The following SEMA6A variants were observed in gnomAD, a reference collection of about 807,000 sequenced individuals.
The protein encoded by SEMA6A is semaphorin-6A.
A neutral mutation model predicts 96.8 loss-of-function variants in SEMA6A; 25 were observed. The observed-to-expected ratio is 0.26, with a 90% CI of 0.19 to 0.36. The LOEUF is 0.36. SEMA6A is among the 10% of genes least tolerant of loss of function. The probability of loss-of-function intolerance (pLI) is 1.00; values close to 1 mark genes in which losing one functional copy is unlikely to be tolerated. For missense variants in SEMA6A, 1,363 were observed against 1,323.1 expected (o/e 1.03, Z -0.47); for synonymous variants, 612 against 518.0 (o/e 1.18, Z -2.46).
intron 18 of SEMA6A, among the ~76,000 whole-genome samples, chr5:116,465,345 A>C (rs1189621975): frequency 6.6e-6 from 1 of 152,220 alleles, no homozygotes; most frequent in African/African-American, 2.4e-5. Context: ...TAAACAAAAA[A>C]CAATTTGGAG....
At chr5:116,462,890 G>A (rs1157575202) in intron 18 of SEMA6A, among the ~76,000 whole-genome samples, 1 of 151,860 alleles carries the variant, frequency 6.6e-6, no homozygotes, top group African/African-American at 2.4e-5. Flanking sequence ...TATTTACTTA[G>A]TATTTTTATA....
intron 11 of SEMA6A, 146 bp from the exon 12 acceptor site, chr5:116,480,423 A>T: frequency 1.1e-6 from 1 of 940,130 alleles, no homozygotes; most frequent in Non-Finnish European, 1.6e-6. Context: ...GCAGAATGCC[A>T]CCAAGCACAA....
rs1283532825 is a variant in SEMA6A at position 116,444,989 on chromosome 5, G to A, written c.*1624C>T. The A allele has an allele frequency of 6.5e-6, 1 of 152,700 alleles. No homozygotes were observed. Among genetic ancestry groups the A allele is most frequent in the Non-Finnish European group, 1.5e-5 (1 of 68,066 alleles). 9.5% of individuals were successfully genotyped at this position (152,700 alleles called of 1,614,324 possible). On this transcript the variant is annotated 3_prime_UTR_variant, in exon 19 of 19. Transcript: ENST00000343348. Reference sequence around the variant, plus strand: ...AATCTAAGGGAAGCAGGGAGCTCTTGAGGATGAAAGGGGATTTGACACACC... The same window carrying A: ...AATCTAAGGGAAGCAGGGAGCTCTTAAGGATGAAAGGGGATTTGACACACC...
At chr5:116,493,393 G>T (rs1470072461) in intron 6 of SEMA6A, among the ~76,000 whole-genome samples, 1 of 152,012 alleles carries the variant, frequency 6.6e-6, no homozygotes, top group Non-Finnish European at 1.5e-5. Context: ...AGTAAATGCT[G>T]GGCTAGACTG....
intron 8 of SEMA6A, 110 bp downstream of exon 8, chr5:116,488,778 G>C: frequency 3.1e-6 from 4 of 1,281,914 alleles, no homozygotes; most frequent in Non-Finnish European, 4.1e-6. Flanking sequence ...CTGTCTGTCA[G>C]AAGCCATTAC....
At chr5:116,495,297 A>G (rs1757538370) in intron 6 of SEMA6A, 116 bp downstream of exon 6, 3 of 738,738 alleles carry the variant, frequency 4.1e-6, no homozygotes, top group Non-Finnish European at 7.2e-6. Context: ...AAGTTGAACA[A>G]GTGAGAGGAA....
At chr5:116,539,022 A>G (rs116318549) in intron 1 of SEMA6A, among the ~76,000 whole-genome samples, 3,023 of 152,254 alleles carry the variant, frequency 0.02, 111 homozygotes, top group African/African-American at 0.07. Context: ...AATATTTTCA[A>G]TTGTGTGTTT....
At chr5:116,507,362 A>G (rs1391477855) in intron 1 of SEMA6A, among the ~76,000 whole-genome samples, 1 of 152,196 alleles carries the variant, frequency 6.6e-6, no homozygotes, top group Non-Finnish European at 1.5e-5. Context: ...TATGTAGACA[A>G]TAAATTTTCT....
At chr5:116,504,728 T>C in intron 2 of SEMA6A, 117 bp downstream of exon 2, 1 of 745,796 alleles carries the variant, frequency 1.3e-6, no homozygotes, top group Middle Eastern at 2.4e-4. Flanking sequence ...CTTTGCCACA[T>C]ACAGAGGACT....
At chr5:116,566,398 G>A (rs1245441588) in intron 1 of SEMA6A, among the ~76,000 whole-genome samples, 1 of 152,182 alleles carries the variant, frequency 6.6e-6, no homozygotes, top group Non-Finnish European at 1.5e-5. Context: ...AAGGCTGCAT[G>A]AGGAAGTATC....
rs965795056 is a variant in SEMA6A at position 116,446,967 on chromosome 5, C to G, written c.2739G>C (p.Gly913=). The change falls in exon 19 of 19, where the codon GGG becomes GGC. Residue 913 remains glycine, a synonymous_variant. Coordinates refer to ENST00000343348, the MANE Select transcript of SEMA6A (RefSeq NM_020796.5). ...TGGGGTAGCTCCTCTTATAGTCAAC[C>G]CCGTAGGAAGAGGAGTGGTGCATTT... ...RLEMHHSSSY[G]VDYKRSYPTN... 8 of 1,613,738 alleles carry G rather than the reference C, an allele frequency of 5.0e-6. No individual in the cohort carries two copies. The Admixed American group carries it at 1.2e-4, about 24-fold the overall frequency.
intron 6 of SEMA6A, among the ~76,000 whole-genome samples, chr5:116,493,554 AC>A (rs908953440): frequency 9.2e-5 from 14 of 152,168 alleles, no homozygotes; most frequent in African/African-American, 3.1e-4. Context: ...TTTTTGGTGA[AC>A]CCTTCTATTT....
intron 17 of SEMA6A, chr5:116,471,716 T>C (rs1298607449): frequency 3.3e-5 from 5 of 152,232 alleles, no homozygotes; most frequent in Non-Finnish European, 7.3e-5. Context: ...AACCAAGCAC[T>C]GTTTTCCATA....
At chr5:116,495,587 G>A in intron 5 of SEMA6A, 73 bp from the exon 6 acceptor site, 1 of 1,120,318 alleles carries the variant, frequency 8.9e-7, no homozygotes, top group Non-Finnish European at 1.3e-6. Flanking sequence ...GTATGCCATG[G>A]TTGGCTGACA....
rs1350759696 is a variant in SEMA6A, at chr5:116,477,949, A to T, written c.1569-23T>A. On this transcript the variant is annotated intron_variant, in intron 14 of 18. Coordinates refer to ENST00000343348, the MANE Select transcript of SEMA6A (RefSeq NM_020796.5). ...GTTCTGCAGGAAGAGGATGACCATG[A>T]GCTACCTAGGACTGTTTCCTAGCCA... is the stretch of plus-strand genomic sequence containing the variant. 7 of 1,613,812 alleles carry T rather than the reference A, an allele frequency of 4.3e-6. No homozygotes were observed. The Admixed American group carries it at 5.0e-5, about 12-fold the overall frequency.
chr5:116,565,624 G>C (rs1023500493), intron 1 of SEMA6A, among the ~76,000 whole-genome samples: 6 of 152,232 alleles, frequency 3.9e-5, no homozygotes, highest in Non-Finnish European at 7.3e-5. Context: ...GAATGAGAAT[G>C]TTCTTAGAAA....
chr5:116,475,704 A>C, intron 15 of SEMA6A, 101 bp from the exon 16 acceptor site: 1 of 762,538 alleles, frequency 1.3e-6, no homozygotes, highest in Non-Finnish European at 2.1e-6. Context: ...CAGTTTGATA[A>C]ATTGAGTGGC....
intron 1 of SEMA6A, among the ~76,000 whole-genome samples, chr5:116,564,442 G>A (rs1760944344): frequency 6.6e-6 from 1 of 152,154 alleles, no homozygotes; most frequent in East Asian, 1.9e-4. Context: ...AAATTGCTTG[G>A]CTTAGACTGG....
chr5:116,478,858 T>G (rs1580411381), intron 12 of SEMA6A, 140 bp from the exon 13 acceptor site: 3 of 844,836 alleles, frequency 3.6e-6, no homozygotes, highest in Non-Finnish European at 5.4e-6. Flanking sequence ...TGTTCTCAAG[T>G]GGTTCTGGCC....
Sources: gnomAD v4.1 joint callset for allele counts (sites outside exome capture counted in the v4.1 genomes callset) on GRCh38, gnomAD v4.1.1 for gene constraint, MANE v1.5 for transcripts, NCBI Gene and HGNC (gene_info 2026-07-23, HGNC 2026-07-21) for gene names.